Variants in C11orf52 observed in about 807,000 individuals in gnomAD.
C11orf52 encodes uncharacterized protein C11orf52.
C11orf52 carries 9 observed loss-of-function variants against 11.7 expected under a neutral mutation model. The observed-to-expected ratio is 0.77, with a 90% CI of 0.46 to 1.34. C11orf52 has a LOEUF of 1.34. C11orf52 is among the 40% of genes most tolerant of loss of function. The pLI, the probability that C11orf52 is intolerant of heterozygous loss-of-function variation, is 0.00. For missense variants in C11orf52, 139 were observed against 154.8 expected (o/e 0.90, Z 0.54); for synonymous variants, 49 against 57.4 (o/e 0.85, Z 0.66).
chr11:111,919,329 T>G (rs1186032170), intron 1 of C11orf52: 4 of 271,648 alleles, frequency 1.5e-5, no homozygotes, highest in Non-Finnish European at 7.3e-6. Flanking sequence ...AAAAATTAGC[T>G]GGGCATGGTG....
At chr11:111,924,983 G>A (rs1432544948) in intron 2 of C11orf52, among the ~76,000 whole-genome samples, 4 of 152,146 alleles carry the variant, frequency 2.6e-5, no homozygotes, top group African/African-American at 9.7e-5. Context: ...AACTAGCTGG[G>A]CATAGTGGTA....
chr11:111,920,204 A>G (rs1286547875), intron 1 of C11orf52, among the ~76,000 whole-genome samples: 1 of 152,042 alleles, frequency 6.6e-6, no homozygotes, highest in Non-Finnish European at 1.5e-5. Context: ...CAAAAATAAA[A>G]TAAAATAAAA....
chr11:111,919,355 C>T, intron 1 of C11orf52: 1 of 219,222 alleles, frequency 4.6e-6, no homozygotes, highest in South Asian at 7.4e-5. Flanking sequence ...CACCTGTAGT[C>T]CCAGCTACTC....
chr11:111,919,698 G>A (rs978086639), intron 1 of C11orf52, among the ~76,000 whole-genome samples: 2 of 152,102 alleles, frequency 1.3e-5, no homozygotes, highest in Non-Finnish European at 2.9e-5. Flanking sequence ...GAGGTAAATG[G>A]TTTTGCCCCT....
Position 111,926,266 on chromosome 11 carries a change from G to T in C11orf52, c.*67G>T. 6.3e-7 allele frequency: 1 copy of T among 1,587,922 alleles called. No homozygotes were observed. The highest frequency in any genetic ancestry group is 1.1e-5 in the South Asian group (1 of 88,964). On this transcript the variant is annotated 3_prime_UTR_variant, in exon 4 of 4. Transcript: ENST00000278601. The stretch of plus-strand genomic sequence containing the variant: ...CTGTGGGGGAGAACCTACTGCTTTG[G>T]GGAATTGGGTGGCAACCCAGGGATG...
chr11:111,921,252 G>C (rs1965693899), intron 1 of C11orf52, among the ~76,000 whole-genome samples: 1 of 152,202 alleles, frequency 6.6e-6, no homozygotes, highest in Admixed American at 6.5e-5. Context: ...ATTAAACAGT[G>C]TTTATTGAAC....
chr11:111,919,249 C>G (rs1345415888), intron 1 of C11orf52: 3 of 514,566 alleles, frequency 5.8e-6, no homozygotes, highest in Non-Finnish European at 1.1e-5. Flanking sequence ...CCGAGGCCGG[C>G]GGATCACGAG....
intron 1 of C11orf52, among the ~76,000 whole-genome samples, chr11:111,922,203 C>A (rs189691414): frequency 6.6e-6 from 1 of 152,306 alleles, no homozygotes; most frequent in African/African-American, 2.4e-5. Context: ...GTTCTCACAG[C>A]TATTCTGACC....
Position 111,926,366 on chromosome 11 carries a change from T to G in C11orf52, c.*167T>G. On this transcript the variant is annotated 3_prime_UTR_variant, in exon 4 of 4. Transcript: ENST00000278601. Reference sequence around the variant, plus strand: ...CGTCCCATTTTCTCCCCTGGCCTCTTACTTGCCACTGTTAGGTTGGAGTTA... The same window carrying G: ...CGTCCCATTTTCTCCCCTGGCCTCTGACTTGCCACTGTTAGGTTGGAGTTA... 1 of 997,330 alleles carries G rather than the reference T, an allele frequency of 1.0e-6. No homozygotes were observed. The highest frequency in any genetic ancestry group is 1.4e-6 in the Non-Finnish European group (1 of 692,726). The allele number at this position is 997,330 out of a possible 1,614,324, so 61.8% of individuals were successfully genotyped here.
At position 111,926,356 on chromosome 11, in the gene C11orf52, C is replaced by T; in HGVS notation, c.*157C>T. 8.7e-7 allele frequency: 1 copy of T among 1,144,776 alleles called. No individual in the cohort carries two copies. The highest frequency in any genetic ancestry group is 1.6e-5 in the African/African-American group (1 of 64,434). 70.9% of individuals were successfully genotyped at this position (1,144,776 alleles called of 1,614,324 possible). On this transcript the variant is annotated 3_prime_UTR_variant, in exon 4 of 4. Coordinates refer to ENST00000278601, the MANE Select transcript of C11orf52 (RefSeq NM_080659.3). Reference sequence around the variant, plus strand: ...GAATTGTGGGCGTCCCATTTTCTCCCCTGGCCTCTTACTTGCCACTGTTAG... The same window carrying T: ...GAATTGTGGGCGTCCCATTTTCTCCTCTGGCCTCTTACTTGCCACTGTTAG...
chr11:111,926,118 A>G lies in C11orf52; in HGVS notation c.291A>G (p.Leu97=). 1 of 1,614,278 alleles carries G rather than the reference A, an allele frequency of 6.2e-7. No homozygotes were observed. The highest frequency in any genetic ancestry group is 8.5e-7 in the Non-Finnish European group (1 of 1,180,044). The stretch of plus-strand genomic sequence containing the variant: ...CCCGGGAAGTGAAACACGTGCATTT[A>G]GAAAACGCTACAGAGTATGCGACCC... ...PHAREVKHVH[L]ENATEYATLR... is the part of the protein sequence containing the mutation. Residue 97 remains leucine (L), a synonymous_variant, in exon 4 of 4, where the codon TTA becomes TTG. Coordinates refer to ENST00000278601, the MANE Select transcript of C11orf52 (RefSeq NM_080659.3).
At chr11:111,921,210 G>A (rs1555166541) in intron 1 of C11orf52, among the ~76,000 whole-genome samples, 1 of 152,190 alleles carries the variant, frequency 6.6e-6, no homozygotes, top group African/African-American at 2.4e-5. Flanking sequence ...TTCAAGTCCT[G>A]CCCTACTACT....
At position 111,925,944 on chromosome 11, in the gene C11orf52, T is replaced by C; in HGVS notation, c.133-16T>C. On this transcript the variant is annotated splice_polypyrimidine_tract_variant and intron_variant, in intron 3 of 3. Coordinates refer to ENST00000278601, the MANE Select transcript of C11orf52 (RefSeq NM_080659.3). ...CCAAGCCATGAATCTCCCTTAATGCTATCCATTCCTCGCAGGGCCATGAAA... is the reference window on the plus strand; with the variant it reads ...CCAAGCCATGAATCTCCCTTAATGCCATCCATTCCTCGCAGGGCCATGAAA... The C allele has an allele frequency of 6.2e-7, 1 of 1,614,110 alleles. No homozygotes were observed. The highest frequency in any genetic ancestry group is 8.5e-7 in the Non-Finnish European group (1 of 1,179,970).
intron 1 of C11orf52, among the ~76,000 whole-genome samples, chr11:111,922,026 T>C (rs939222285): frequency 2.0e-5 from 3 of 152,018 alleles, no homozygotes; most frequent in Non-Finnish European, 4.4e-5. Context: ...AGAGACGGGG[T>C]TTCACCTGTT....
In C11orf52 at chr11:111,920,737, G is replaced by T. The variant is rs587739031; in HGVS notation, c.32+1733G>T. Among the ~76,000 whole-genome samples, 147 of 152,206 alleles carry T rather than the reference G, an allele frequency of 9.7e-4. 1 individual carries two copies. The highest frequency in any genetic ancestry group is 3.3e-3 in the African/African-American group (137 of 41,522). ...CATGATCACACCACTGCACTCCAGT[G>T]TGGGTGACAGAATGAGACCCTGTCT... On this transcript the variant is annotated intron_variant, in intron 1 of 3. Transcript: ENST00000278601.
intron 1 of C11orf52, among the ~76,000 whole-genome samples, chr11:111,923,009 A>G (rs1428102228): frequency 6.6e-6 from 1 of 152,238 alleles, no homozygotes; most frequent in Non-Finnish European, 1.5e-5. Flanking sequence ...GCATTGCACA[A>G]TATCTAACTT....
In C11orf52 at chr11:111,918,913, G is replaced by T. The variant is rs1424091229; in HGVS notation, c.-60G>T. The T allele has an allele frequency of 1.2e-6, 2 of 1,604,888 alleles. No homozygotes were observed. The highest frequency in any genetic ancestry group is 3.3e-5 in the Admixed American group (2 of 59,870). On this transcript the variant is annotated 5_prime_UTR_variant, in exon 1 of 4. Transcript: ENST00000278601. ...CCGCGGAAAGCTCAACCAGGAACCC[G>T]GAAATGCACAAGCCTCTTGATGCAT... is the stretch of plus-strand genomic sequence containing the variant.
chr11:111,925,891 G>A, intron 3 of C11orf52, 69 bp from the exon 4 acceptor site: 1 of 1,604,362 alleles, frequency 6.2e-7, no homozygotes, highest in Non-Finnish European at 8.5e-7. Flanking sequence ...CAGTTGACCT[G>A]CCCCTGCATT....
intron 1 of C11orf52, among the ~76,000 whole-genome samples, chr11:111,922,122 G>A (rs781480480): frequency 5.3e-5 from 8 of 152,278 alleles, no homozygotes; most frequent in African/African-American, 1.7e-4. Flanking sequence ...GTGAGCCACC[G>A]CACCTGGCCT....
Sources: gnomAD v4.1 joint callset for allele counts (sites outside exome capture counted in the v4.1 genomes callset) on GRCh38, gnomAD v4.1.1 for gene constraint, MANE v1.5 for transcripts, NCBI Gene and HGNC (gene_info 2026-07-23, HGNC 2026-07-21) for gene names.